RCBTB1: variants seen among roughly 807,000 people sequenced by gnomAD.
RCBTB1 encodes the protein RCC1 and BTB domain-containing protein 1.
RCBTB1 carries 46 observed loss-of-function variants against 62.4 expected under a neutral mutation model. The ratio of observed to expected loss-of-function variants is 0.74; its 90% confidence interval spans 0.58 to 0.94. RCBTB1 has a LOEUF of 0.94. Among genes scored for constraint, RCBTB1 ranks in the 40% least tolerant of loss-of-function variants. The probability of loss-of-function intolerance (pLI) is 0.00; values close to 1 mark genes in which losing one functional copy is unlikely to be tolerated. For synonymous variants in RCBTB1, 222 were observed against 245.8 expected, an observed-to-expected ratio of 0.90 and a Z score of 0.91; for missense variants, 565 against 654.9, an observed-to-expected ratio of 0.86 and a Z score of 1.50.
chr13:49,554,044 A>G (rs1961631162), intron 6 of RCBTB1, among the ~76,000 whole-genome samples: 1 of 152,238 alleles, frequency 6.6e-6, no homozygotes, highest in South Asian at 2.1e-4. Flanking sequence ...GTCAGCAGCC[A>G]TAATGATGGA....
intron 1 of RCBTB1, among the ~76,000 whole-genome samples, chr13:49,582,449 T>C (rs1964159119): frequency 6.6e-6 from 1 of 152,140 alleles, no homozygotes; most frequent in African/African-American, 2.4e-5. Context: ...ATCACACCAC[T>C]GCACTCCAGC....
intron 4 of RCBTB1, among the ~76,000 whole-genome samples, chr13:49,562,783 T>C (rs1276858705): frequency 0.011 from 1,373 of 128,882 alleles, 149 homozygotes; most frequent in African/African-American, 0.037. Flanking sequence ...CGGCTTTTTT[T>C]TTTTTTTTTT....
chr13:49,571,703 G>A (rs1478102090), intron 2 of RCBTB1, among the ~76,000 whole-genome samples: 2 of 152,152 alleles, frequency 1.3e-5, no homozygotes, highest in Admixed American at 6.5e-5. Context: ...TAACTTGGGC[G>A]CGTGGCATTT....
At chr13:49,569,419 CA>C (rs11311610) in intron 2 of RCBTB1, among the ~76,000 whole-genome samples, 33,779 of 146,630 alleles carry the variant, frequency 0.23, 4,639 homozygotes, top group East Asian at 0.55. Context: ...ACAAAAAATA[CA>C]AAAAAAAAAG....
At chr13:49,578,512 C>G (rs542722427) in intron 2 of RCBTB1, among the ~76,000 whole-genome samples, 23 of 152,102 alleles carry the variant, frequency 1.5e-4, no homozygotes, top group Non-Finnish European at 2.9e-4. Context: ...CTCTGAGGAA[C>G]TGAAGGTCTA....
intron 5 of RCBTB1, 128 bp from the exon 6 acceptor site, chr13:49,555,801 T>G: frequency 1.4e-6 from 1 of 692,390 alleles, no homozygotes; most frequent in Non-Finnish European, 2.3e-6. Flanking sequence ...CGGTTCTATA[T>G]GCTTTACACA....
intron 8 of RCBTB1, chr13:49,550,292 A>G (rs1961216841): frequency 4.1e-6 from 1 of 244,458 alleles, no homozygotes; most frequent in East Asian, 1.8e-4. Flanking sequence ...TTCTTTATAA[A>G]TGTAACTTTT....
intron 10 of RCBTB1, among the ~76,000 whole-genome samples, chr13:49,544,001 A>G (rs185773759): frequency 5.9e-5 from 9 of 152,184 alleles, no homozygotes; most frequent in African/African-American, 1.2e-4. Context: ...ACATTCTTCA[A>G]TTGGTAATTG....
chr13:49,547,147 A>G (rs1352589007), intron 9 of RCBTB1: 5 of 1,269,794 alleles, frequency 3.9e-6, no homozygotes, highest in African/African-American at 3.1e-5. Flanking sequence ...TCAGTGAACC[A>G]ATTATTTTCC....
At chr13:49,584,781 A>AATAC (rs1964299386) in intron 1 of RCBTB1, among the ~76,000 whole-genome samples, 1 of 152,224 alleles carries the variant, frequency 6.6e-6, no homozygotes, top group South Asian at 2.1e-4. Flanking sequence ...ATGGCTTGAA[A>AATAC]GTGTCTTACA....
intron 6 of RCBTB1, 135 bp downstream of exon 6, chr13:49,555,380 A>G (rs984349595): frequency 1.4e-6 from 1 of 732,786 alleles, no homozygotes; most frequent in African/African-American, 1.8e-5. Context: ...CTCAGTCAGT[A>G]ATCAGTTAAC....
intron 2 of RCBTB1, among the ~76,000 whole-genome samples, chr13:49,579,114 A>G (rs1042128892): frequency 6.6e-6 from 1 of 152,214 alleles, no homozygotes; most frequent in Non-Finnish European, 1.5e-5. Flanking sequence ...TGAGATACCA[A>G]ATGTATTTCC....
chr13:49,561,178 A>G (rs895353302), intron 4 of RCBTB1, among the ~76,000 whole-genome samples: 3 of 152,220 alleles, frequency 2.0e-5, no homozygotes, highest in African/African-American at 7.2e-5. Flanking sequence ...ATCCTGACCT[A>G]TTAAGGACAG....
chr13:49,559,983 T>G lies in RCBTB1; in HGVS notation c.379A>C (p.Ile127Leu), dbSNP rs201964285. Residue 127 changes from isoleucine (I) to leucine (L), a missense_variant, in exon 5 of 13, where the codon ATC becomes CTC. By Grantham distance (5) the Ile-to-Leu change is conservative. Transcript: ENST00000378302. Reference protein sequence around the residue: ...APVQVCTNLLIKQVVEVACGS... With the variant: ...APVQVCTNLLLKQVVEVACGS... ...CAAGCTACTTCCACCACTTGCTTGA[T>G]CAAGAGATTGGTACAGACCTGGACG... 2 of 1,614,162 alleles carry G rather than the reference T, an allele frequency of 1.2e-6. No homozygotes were observed. The highest frequency in any genetic ancestry group is 2.2e-5 in the East Asian group (1 of 44,886).
chr13:49,562,705 T>C (rs1962538487), intron 4 of RCBTB1, among the ~76,000 whole-genome samples: 7 of 149,104 alleles, frequency 4.7e-5, no homozygotes. Context: ...CTCAAACTCC[T>C]GGGCTCAACT....
intron 5 of RCBTB1, among the ~76,000 whole-genome samples, chr13:49,556,133 T>A (rs1479300589): frequency 2.0e-5 from 3 of 151,898 alleles, no homozygotes; most frequent in East Asian, 3.9e-4. Context: ...AAACATTTGC[T>A]CAACTCTTTG....
At chr13:49,551,300 C>A in intron 8 of RCBTB1, 26 bp downstream of exon 8, 1 of 1,611,620 alleles carries the variant, frequency 6.2e-7, no homozygotes, top group Non-Finnish European at 8.5e-7. Context: ...CACACACAGT[C>A]CCAAGACGTG....
intron 8 of RCBTB1, 27 bp downstream of exon 8, chr13:49,551,274 CCCCAAGGCCACATCGCACACACAGT>C: frequency 1.9e-6 from 3 of 1,598,924 alleles, no homozygotes; most frequent in Non-Finnish European, 2.6e-6. Context: ...CCACACACAG[CCCCAAGGCCACATCGCACACACAGT>C]CCCAAGACGT....
intron 7 of RCBTB1, among the ~76,000 whole-genome samples, chr13:49,551,966 T>G (rs1961397832): frequency 1.3e-5 from 2 of 151,858 alleles, no homozygotes; most frequent in Non-Finnish European, 2.9e-5. Flanking sequence ...CCATTTTTTT[T>G]TTTTTTTTTA....
Sources: gnomAD v4.1 joint callset for allele counts (sites outside exome capture counted in the v4.1 genomes callset) on GRCh38, gnomAD v4.1.1 for gene constraint, MANE v1.5 for transcripts, NCBI Gene and HGNC (gene_info 2026-07-23, HGNC 2026-07-21) for gene names.